EPHA6: variants seen among roughly 807,000 people sequenced by gnomAD.
EPHA6 encodes ephrin type-A receptor 6.
Under a neutral mutation model 112.0 loss-of-function variants are expected in EPHA6, and 50 were observed. The ratio of observed to expected loss-of-function variants is 0.45; its 90% CI spans 0.36 to 0.56. The LOEUF (loss-of-function observed/expected upper bound fraction) is 0.56, where lower values mean the gene tolerates loss of function less well. EPHA6 is among the 20% of genes least tolerant of loss of function. The pLI is 0.00. For synonymous variants in EPHA6, 529 were observed against 490.7 expected (o/e 1.08, Z -1.03); for missense variants, 1,280 against 1,417.4 (o/e 0.90, Z 1.56).
intron 6 of EPHA6, among the ~76,000 whole-genome samples, chr3:97,421,635 TTGA>T (rs1285523092): frequency 3.9e-5 from 6 of 152,114 alleles, no homozygotes; most frequent in Non-Finnish European, 8.8e-5. Flanking sequence ...GATTTTAAAC[TTGA>T]TGAGGAAATG....
chr3:97,176,217 T>C (rs1225274747), intron 3 of EPHA6, among the ~76,000 whole-genome samples: 1 of 151,970 alleles, frequency 6.6e-6, no homozygotes, highest in Admixed American at 6.6e-5. Context: ...TTTGCATATA[T>C]TGAACCACCT....
At chr3:96,949,329 T>G (rs2107714485) in intron 2 of EPHA6, among the ~76,000 whole-genome samples, 1 of 152,250 alleles carries the variant, frequency 6.6e-6, no homozygotes, top group Non-Finnish European at 1.5e-5. Context: ...AAAGGCAGTA[T>G]AAATCTAGCT....
At chr3:97,246,246 G>A (rs1159329947) in intron 5 of EPHA6, among the ~76,000 whole-genome samples, 2 of 151,750 alleles carry the variant, frequency 1.3e-5, no homozygotes, top group Non-Finnish European at 2.9e-5. Context: ...CTAGTACAAC[G>A]ATTTTTAGCT....
At chr3:97,013,147 G>T (rs1343271570) in intron 3 of EPHA6, among the ~76,000 whole-genome samples, 4 of 151,932 alleles carry the variant, frequency 2.6e-5, no homozygotes, top group Non-Finnish European at 4.4e-5. Context: ...TTGCTTTTGA[G>T]GACTTAGTCA....
At chr3:96,913,300 G>A (rs2039324517) in intron 2 of EPHA6, among the ~76,000 whole-genome samples, 1 of 151,704 alleles carries the variant, frequency 6.6e-6, no homozygotes, top group African/African-American at 2.4e-5. Context: ...AGCTTGGAAG[G>A]TGAAGAATGC....
chr3:97,686,977 T>C (rs1435249085), intron 14 of EPHA6, among the ~76,000 whole-genome samples: 1 of 152,164 alleles, frequency 6.6e-6, no homozygotes, highest in Non-Finnish European at 1.5e-5. Context: ...CTGAGAGTTG[T>C]TTACAGCCAG....
chr3:97,728,597 A>T (rs2034888851), intron 15 of EPHA6, among the ~76,000 whole-genome samples: 1 of 152,134 alleles, frequency 6.6e-6, no homozygotes, highest in South Asian at 2.1e-4. Context: ...TAGAGATGTT[A>T]CCAAAGTTCC....
At chr3:97,527,535 T>C (rs1351252387) in intron 10 of EPHA6, among the ~76,000 whole-genome samples, 2 of 152,180 alleles carry the variant, frequency 1.3e-5, no homozygotes, top group Non-Finnish European at 2.9e-5. Flanking sequence ...AAGGATTTTG[T>C]ACCTCAAGAG....
intron 1 of EPHA6, among the ~76,000 whole-genome samples, chr3:96,850,966 A>T (rs1192909873): frequency 1.3e-5 from 2 of 152,154 alleles, no homozygotes; most frequent in African/African-American, 2.4e-5. Context: ...CAAGTATTTT[A>T]AAAATAATTA....
At chr3:97,528,747 T>C (rs922273606) in intron 10 of EPHA6, among the ~76,000 whole-genome samples, 3 of 152,148 alleles carry the variant, frequency 2.0e-5, no homozygotes, top group African/African-American at 7.2e-5. Context: ...TTATATAGAC[T>C]TTATATGAAA....
chr3:97,108,109 C>G (rs1376258998), intron 3 of EPHA6, among the ~76,000 whole-genome samples: 1 of 152,072 alleles, frequency 6.6e-6, no homozygotes, highest in Non-Finnish European at 1.5e-5. Flanking sequence ...CTGGTACTTT[C>G]CAAATCATGC....
At chr3:96,921,782 G>A (rs1006439352) in intron 2 of EPHA6, among the ~76,000 whole-genome samples, 14 of 151,850 alleles carry the variant, frequency 9.2e-5, no homozygotes, top group Admixed American at 9.2e-4. Context: ...TGGCCAGGCT[G>A]GTCTTGAACT....
intron 1 of EPHA6, among the ~76,000 whole-genome samples, chr3:96,841,305 CTT>C (rs2034733752): frequency 6.6e-6 from 1 of 152,106 alleles, no homozygotes; most frequent in African/African-American, 2.4e-5. Context: ...AGAGGGGTGA[CTT>C]TGAACAGAAT....
intron 5 of EPHA6, among the ~76,000 whole-genome samples, chr3:97,271,067 G>A (rs1006229788): frequency 2.0e-5 from 3 of 152,162 alleles, no homozygotes; most frequent in Non-Finnish European, 2.9e-5. Flanking sequence ...CAATTAGAGG[G>A]TAATGAGTGA....
chr3:97,113,721 C>T (rs1351013082), intron 3 of EPHA6, among the ~76,000 whole-genome samples: 1 of 151,966 alleles, frequency 6.6e-6, no homozygotes, highest in Admixed American at 6.6e-5. Context: ...CTCCCTCCTT[C>T]TCTCTCTCTG....
intron 5 of EPHA6, among the ~76,000 whole-genome samples, chr3:97,373,577 T>G (rs1264346998): frequency 6.6e-6 from 1 of 152,108 alleles, no homozygotes; most frequent in Non-Finnish European, 1.5e-5. Context: ...AAGAATGGCT[T>G]GTTATTTGAA....
chr3:97,379,913 G>A (rs1204108750), intron 5 of EPHA6, among the ~76,000 whole-genome samples: 1 of 151,998 alleles, frequency 6.6e-6, no homozygotes, highest in Non-Finnish European at 1.5e-5. Context: ...AATTTTAAAA[G>A]TTGCCATAAG....
intron 1 of EPHA6, among the ~76,000 whole-genome samples, chr3:96,827,797 G>A (rs2033765248): frequency 6.6e-6 from 1 of 152,108 alleles, no homozygotes; most frequent in Admixed American, 6.6e-5. Context: ...ACAAGGGCAT[G>A]TGCATCAACA....
intron 5 of EPHA6, among the ~76,000 whole-genome samples, chr3:97,306,397 A>G (rs1026288153): frequency 3.3e-5 from 5 of 150,922 alleles, no homozygotes; most frequent in African/African-American, 1.2e-4. Context: ...AAGGCACAAT[A>G]CAAGTACTAG....
Sources: gnomAD v4.1 joint callset for allele counts (sites outside exome capture counted in the v4.1 genomes callset) on GRCh38, gnomAD v4.1.1 for gene constraint, MANE v1.5 for transcripts, NCBI Gene and HGNC (gene_info 2026-07-23, HGNC 2026-07-21) for gene names.